Variants in SYN2 observed in about 807,000 individuals in gnomAD.
SYN2 encodes the protein synapsin-2.
A neutral mutation model predicts 50.9 loss-of-function variants in SYN2; 19 were observed. The observed-to-expected ratio is 0.37, with a 90% CI of 0.26 to 0.55. The LOEUF (loss-of-function observed/expected upper bound fraction) is 0.55, where lower values mean the gene tolerates loss of function less well. SYN2 is among the 20% of genes least tolerant of loss of function. The pLI is 0.81. For synonymous variants in SYN2, 255 were observed against 224.9 expected (o/e 1.13, Z -1.20); for missense variants, 587 against 576.4 (o/e 1.02, Z -0.19).
intron 1 of SYN2, among the ~76,000 whole-genome samples, chr3:12,097,534 A>G (rs954463646): frequency 2.0e-5 from 3 of 151,822 alleles, no homozygotes; most frequent in Admixed American, 6.6e-5. Context: ...TGAACCCACA[A>G]GGCGGAGCTT....
chr3:12,103,478 A>C (rs1335844763), intron 1 of SYN2, among the ~76,000 whole-genome samples: 2 of 152,222 alleles, frequency 1.3e-5, no homozygotes, highest in Non-Finnish European at 2.9e-5. Context: ...ATTGCAGTAA[A>C]GTATTCCAAA....
At chr3:12,095,667 C>T (rs1194211568) in intron 1 of SYN2, among the ~76,000 whole-genome samples, 1 of 146,956 alleles carries the variant, frequency 6.8e-6, no homozygotes, top group Non-Finnish European at 1.5e-5. Context: ...GTTGACCATT[C>T]CTTCTTCTTT....
intron 1 of SYN2, among the ~76,000 whole-genome samples, chr3:12,099,975 G>GAAAAAAAAAAAA (rs376887129): frequency 1.0e-4 from 12 of 120,198 alleles, no homozygotes; most frequent in Middle Eastern, 5.0e-3. Flanking sequence ...AAAAAAAAAA[G>GAAAAAAAAAAAA]AAAAAAAAAA....
intron 1 of SYN2, among the ~76,000 whole-genome samples, chr3:12,012,164 T>G (rs2125131002): frequency 6.9e-6 from 1 of 144,140 alleles, no homozygotes; most frequent in African/African-American, 2.9e-5. Flanking sequence ...ATAACTTAGT[T>G]TTTTTTTTTA....
At chr3:12,102,400 G>T (rs189445262) in intron 1 of SYN2, among the ~76,000 whole-genome samples, 1 of 152,104 alleles carries the variant, frequency 6.6e-6, no homozygotes, top group Non-Finnish European at 1.5e-5. Context: ...AATGAGTCAG[G>T]CAATAACAGA....
At chr3:12,130,365 G>A (rs1416009527) in intron 1 of SYN2, among the ~76,000 whole-genome samples, 1 of 152,094 alleles carries the variant, frequency 6.6e-6, no homozygotes, top group Non-Finnish European at 1.5e-5. Context: ...TCCAGTCCAA[G>A]TCTGAAGGTC....
intron 5 of SYN2, chr3:12,157,020 C>A: frequency 2.1e-6 from 2 of 969,190 alleles, no homozygotes; most frequent in Non-Finnish European, 3.1e-6. Flanking sequence ...ACTTCTCAGC[C>A]TAAAAATGTA....
chr3:12,074,097 C>G (rs1695420016), intron 1 of SYN2, among the ~76,000 whole-genome samples: 1 of 152,034 alleles, frequency 6.6e-6, no homozygotes, highest in Non-Finnish European at 1.5e-5. Context: ...TATAATAGGC[C>G]TCTTTATTTC....
At chr3:12,026,696 A>AG (rs1694266501) in intron 1 of SYN2, among the ~76,000 whole-genome samples, 2 of 152,324 alleles carry the variant, frequency 1.3e-5, no homozygotes, top group South Asian at 2.1e-4. Flanking sequence ...GGCAAGAATG[A>AG]GGAATGCTAG....
chr3:12,054,805 AAG>A (rs1694952604), intron 1 of SYN2, among the ~76,000 whole-genome samples: 1 of 152,090 alleles, frequency 6.6e-6, no homozygotes, highest in African/African-American at 2.4e-5. Context: ...AAGGGTGCCT[AAG>A]AGATGAATCT....
chr3:12,109,084 A>G (rs1486464170), intron 1 of SYN2, among the ~76,000 whole-genome samples: 2 of 152,154 alleles, frequency 1.3e-5, no homozygotes, highest in African/African-American at 4.8e-5. Flanking sequence ...ATTATCATGA[A>G]TCATTTTAAG....
At chr3:12,161,827 G>A (rs1006230374) in intron 6 of SYN2, 185 bp from the exon 7 acceptor site, 2 of 1,005,240 alleles carry the variant, frequency 2.0e-6, no homozygotes, top group Admixed American at 2.5e-5. Context: ...TTTGCAGCAA[G>A]TGTGGCCCTT....
chr3:12,154,182 C>CTA (rs1697384353), intron 5 of SYN2: 1 of 1,253,244 alleles, frequency 8.0e-7, no homozygotes, highest in African/African-American at 1.5e-5. Context: ...AGATCAGGGC[C>CTA]TATAGACTGT....
chr3:12,084,793 T>TAA (rs1458128297), intron 1 of SYN2, among the ~76,000 whole-genome samples: 1 of 152,182 alleles, frequency 6.6e-6, no homozygotes, highest in East Asian at 1.9e-4. Flanking sequence ...AGAGTTTGTG[T>TAA]AAGTGATCAA....
intron 1 of SYN2, among the ~76,000 whole-genome samples, chr3:12,006,437 C>A (rs1437043330): frequency 6.6e-6 from 1 of 152,094 alleles, no homozygotes; most frequent in Admixed American, 6.5e-5. Flanking sequence ...GTGCTTATTA[C>A]GGAGGAAGGG....
chr3:12,039,338 G>A (rs1023417870), intron 1 of SYN2, among the ~76,000 whole-genome samples: 1 of 152,104 alleles, frequency 6.6e-6, no homozygotes, highest in Non-Finnish European at 1.5e-5. Context: ...CACAAAGTGT[G>A]TTTAGTAGAT....
chr3:12,168,844 A>G (rs923527197), intron 9 of SYN2, among the ~76,000 whole-genome samples: 1 of 53,340 alleles, frequency 1.9e-5, no homozygotes, highest in East Asian at 8.1e-4. Flanking sequence ...GCTGGGCACC[A>G]GATGCAGGAG....
At chr3:12,153,870 C>T (rs112737533) in intron 5 of SYN2, among the ~76,000 whole-genome samples, 43 of 152,284 alleles carry the variant, frequency 2.8e-4, no homozygotes, top group African/African-American at 1.0e-3. Flanking sequence ...TCTCCTTCCC[C>T]AAGGTTCCCC....
At chr3:12,159,021 G>C (rs759969001) in intron 5 of SYN2, 64 of 832,464 alleles carry the variant, frequency 7.7e-5, no homozygotes, top group Admixed American at 1.7e-4. Context: ...GGCAGGACCC[G>C]AGGCTCTTCC....
Sources: gnomAD v4.1 joint callset for allele counts (sites outside exome capture counted in the v4.1 genomes callset) on GRCh38, gnomAD v4.1.1 for gene constraint, MANE v1.5 for transcripts, NCBI Gene and HGNC (gene_info 2026-07-23, HGNC 2026-07-21) for gene names.